NEO1: variants seen among roughly 807,000 people sequenced by gnomAD.
The protein encoded by NEO1 is neogenin.
In NEO1, 63 loss-of-function variants were observed where a neutral mutation model predicts 159.7. The observed-to-expected ratio is 0.39, with a 90% confidence interval of 0.32 to 0.49. The LOEUF (loss-of-function observed/expected upper bound fraction) is 0.49, where lower values mean the gene tolerates loss of function less well. Ranked by LOEUF, NEO1 falls within the 20% of genes least tolerant of loss-of-function variation. The probability of loss-of-function intolerance (pLI) is 0.85; values close to 1 mark genes in which losing one functional copy is unlikely to be tolerated. For synonymous variants in NEO1, 633 were observed against 662.0 expected, an observed-to-expected ratio of 0.96 and a Z score of 0.67; for missense variants, 1,615 against 1,831.0, an observed-to-expected ratio of 0.88 and a Z score of 2.15.
chr15:73,192,606 T>C (rs976084826), intron 7 of NEO1, among the ~76,000 whole-genome samples: 1 of 151,962 alleles, frequency 6.6e-6, no homozygotes, highest in African/African-American at 2.4e-5. Flanking sequence ...ACCTAATTGA[T>C]CCAACCAATA....
intron 5 of NEO1, among the ~76,000 whole-genome samples, chr15:73,169,643 CTTTTTTTTTT>C (rs35991255): frequency 9.5e-6 from 1 of 105,246 alleles, no homozygotes; most frequent in Non-Finnish European, 1.9e-5. Context: ...CTCCCCCCTC[CTTTTTTTTTT>C]TTTTTTTTTT....
intron 22 of NEO1, among the ~76,000 whole-genome samples, chr15:73,281,324 C>T (rs1257322447): frequency 4.0e-5 from 6 of 151,324 alleles, no homozygotes; most frequent in African/African-American, 1.2e-4. Flanking sequence ...GCGCGATCTC[C>T]GCTCACTGCA....
At chr15:73,227,613 C>T (rs1443778499) in intron 7 of NEO1, among the ~76,000 whole-genome samples, 1 of 152,168 alleles carries the variant, frequency 6.6e-6, no homozygotes, top group East Asian at 1.9e-4. Context: ...AGCGACTGGG[C>T]CAGTGTGAAG....
chr15:73,296,123 C>T (rs562034160), intron 26 of NEO1, among the ~76,000 whole-genome samples: 11 of 152,168 alleles, frequency 7.2e-5, no homozygotes, highest in South Asian at 4.1e-4. Context: ...CCTTTTTCAC[C>T]TTTTGCGCCA....
intron 8 of NEO1, among the ~76,000 whole-genome samples, chr15:73,237,398 T>C (rs1329415357): frequency 6.6e-6 from 1 of 152,238 alleles, no homozygotes; most frequent in African/African-American, 2.4e-5. Flanking sequence ...ATAAACTCTT[T>C]GGAAGGAACC....
At chr15:73,196,931 A>C (rs2036563258) in intron 7 of NEO1, among the ~76,000 whole-genome samples, 1 of 152,210 alleles carries the variant, frequency 6.6e-6, no homozygotes, top group African/African-American at 2.4e-5. Flanking sequence ...TTTTGGTGAC[A>C]GTTCTATGGG....
chr15:73,178,562 CA>C, intron 7 of NEO1, 135 bp downstream of exon 7: 1 of 905,534 alleles, frequency 1.1e-6, no homozygotes, highest in Non-Finnish European at 1.5e-6. Context: ...AAAAGAATAG[CA>C]GTCTAAATCA....
chr15:73,056,282 C>G (rs569188170), intron 1 of NEO1, among the ~76,000 whole-genome samples: 66 of 152,344 alleles, frequency 4.3e-4, no homozygotes, highest in Non-Finnish European at 8.5e-4. Context: ...TGTTAAGTCA[C>G]TTCTCACCTT....
At chr15:73,218,733 C>T (rs1320218483) in intron 7 of NEO1, among the ~76,000 whole-genome samples, 7 of 152,006 alleles carry the variant, frequency 4.6e-5, no homozygotes, top group African/African-American at 1.7e-4. Flanking sequence ...TGTAGTATTC[C>T]CTGATGGTAG....
At chr15:73,087,177 G>A (rs953953016) in intron 1 of NEO1, among the ~76,000 whole-genome samples, 1 of 152,066 alleles carries the variant, frequency 6.6e-6, no homozygotes, top group Middle Eastern at 3.2e-3. Flanking sequence ...CTCCCATTCT[G>A]TTCCTAGTTT....
intron 21 of NEO1, among the ~76,000 whole-genome samples, chr15:73,275,395 A>G (rs2041363977): frequency 2.0e-5 from 3 of 152,170 alleles, no homozygotes; most frequent in Admixed American, 2.0e-4. Context: ...CAGGCCTGTA[A>G]TCCCAGCACT....
At chr15:73,070,462 G>A (rs1016528852) in intron 1 of NEO1, among the ~76,000 whole-genome samples, 3 of 152,148 alleles carry the variant, frequency 2.0e-5, no homozygotes, top group African/African-American at 7.2e-5. Context: ...AAATATTTAA[G>A]GAGCATTTGT....
intron 1 of NEO1, among the ~76,000 whole-genome samples, chr15:73,113,908 A>G (rs907905803): frequency 6.6e-6 from 1 of 152,176 alleles, no homozygotes; most frequent in Non-Finnish European, 1.5e-5. Flanking sequence ...GTTAAAAGAA[A>G]TAGGATGGTT....
At chr15:73,290,093 C>T (rs1160396146) in intron 25 of NEO1, among the ~76,000 whole-genome samples, 3 of 151,998 alleles carry the variant, frequency 2.0e-5, no homozygotes, top group African/African-American at 4.8e-5. Flanking sequence ...TATGATTTTG[C>T]ACCATTGCAC....
At chr15:73,158,858 GT>G (rs200753551) in intron 5 of NEO1, among the ~76,000 whole-genome samples, 2,144 of 152,264 alleles carry the variant, frequency 0.014, 45 homozygotes, top group African/African-American at 0.049. Context: ...GCAAAGAAGT[GT>G]GTAAAAATAG....
chr15:73,178,381 T>A lies in NEO1; in HGVS notation c.1245T>A (p.Asp415Glu). The part of the protein sequence containing the change: ...EGFYQCIAEN[D>E]VGNAQAGAQL... The stretch of plus-strand genomic sequence containing the variant: ...TCTATCAGTGCATTGCTGAAAATGA[T>A]GTTGGAAATGCACAAGCTGGAGCCC... The change falls in exon 7 of 29, where the codon GAT (aspartate) becomes GAA (glutamate). Residue 415 changes from aspartate to glutamate, a missense_variant. This residue lies in a region of NEO1 where 1,018 missense variants were observed against 1,115.4 expected (regional missense o/e 0.91). Transcript: ENST00000261908. 1 of 1,613,892 alleles carries A rather than the reference T, an allele frequency of 6.2e-7. No individual in the cohort carries two copies.
chr15:73,100,906 C>G (rs978625584), intron 1 of NEO1, among the ~76,000 whole-genome samples: 2 of 152,164 alleles, frequency 1.3e-5, no homozygotes, highest in Non-Finnish European at 2.9e-5. Context: ...ACACCACCAC[C>G]CTTCTCTCAT....
At chr15:73,247,983 G>A (rs1000238503) in intron 9 of NEO1, among the ~76,000 whole-genome samples, 12 of 152,098 alleles carry the variant, frequency 7.9e-5, no homozygotes, top group Non-Finnish European at 1.6e-4. Context: ...TTGAGCCCAC[G>A]TTTTAGAATC....
At chr15:73,247,051 T>C (rs2039831837) in intron 9 of NEO1, among the ~76,000 whole-genome samples, 1 of 152,214 alleles carries the variant, frequency 6.6e-6, no homozygotes, top group African/African-American at 2.4e-5. Context: ...AGCATAACCA[T>C]TTATTCAAGG....
Sources: gnomAD v4.1 joint callset for allele counts (sites outside exome capture counted in the v4.1 genomes callset) on GRCh38, gnomAD v4.1.1 for gene constraint, gnomAD v4.1.1 regional missense constraint, MANE v1.5 for transcripts, NCBI Gene and HGNC (gene_info 2026-07-23, HGNC 2026-07-21) for gene names.